MAML2: variants seen among roughly 807,000 people sequenced by gnomAD.
MAML2 encodes the protein mastermind like transcriptional coactivator 2.
In MAML2, 22 loss-of-function variants were observed where a neutral mutation model predicts 96.1. The ratio of observed to expected loss-of-function variants is 0.23; its 90% CI spans 0.16 to 0.33. The LOEUF is 0.33. Among genes scored for constraint, MAML2 ranks in the 10% least tolerant of loss-of-function variants. The pLI is 1.00. For missense variants in MAML2, 1,367 were observed against 1,392.4 expected (o/e 0.98, Z 0.29); for synonymous variants, 561 against 521.3 (o/e 1.08, Z -1.04).
intron 2 of MAML2, among the ~76,000 whole-genome samples, chr11:96,041,629 T>C (rs940453609): frequency 6.6e-6 from 1 of 152,114 alleles, no homozygotes; most frequent in Non-Finnish European, 1.5e-5. Flanking sequence ...CTGGAGGAAG[T>C]GTGTTCCATT....
chr11:96,042,833 C>A (rs10831471), intron 2 of MAML2, among the ~76,000 whole-genome samples: 14,132 of 149,082 alleles, frequency 0.095, 949 homozygotes, highest in East Asian at 0.26. Flanking sequence ...CGTCCTCCAA[C>A]TTCTGGGTTC....
chr11:96,052,264 T>C (rs1859000624), intron 2 of MAML2, among the ~76,000 whole-genome samples: 1 of 152,162 alleles, frequency 6.6e-6, no homozygotes. Context: ...AATATCCATA[T>C]GATACATTTA....
At chr11:96,231,884 C>G (rs1166550442) in intron 1 of MAML2, among the ~76,000 whole-genome samples, 2 of 152,210 alleles carry the variant, frequency 1.3e-5, no homozygotes, top group African/African-American at 4.8e-5. Context: ...ATTCACCTGA[C>G]TAGTCGCTTT....
intron 2 of MAML2, among the ~76,000 whole-genome samples, chr11:96,033,400 C>G (rs573946544): frequency 3.3e-5 from 5 of 152,328 alleles, no homozygotes; most frequent in African/African-American, 9.6e-5. Flanking sequence ...GTATCTACCA[C>G]AGTGCCTGTT....
At position 96,092,435 on chromosome 11, in the gene MAML2, T is replaced by C. The variant is rs1464002648; in HGVS notation, c.1596A>G (p.Gln532=). The change falls in exon 2 of 5, where the codon CAA becomes CAG. Residue 532 remains glutamine, a synonymous_variant. Coordinates refer to ENST00000524717, the MANE Select transcript of MAML2 (RefSeq NM_032427.4). The surrounding 1 kb of genome is among the most constrained non-coding windows in gnomAD (Gnocchi z 4.1). The stretch of plus-strand genomic sequence containing the variant: ...AACTTCGACTGAGATCCTGAGGCTT[T>C]TGCTGCATGAGGACATCTAGGTGCC... The part of the protein sequence containing the change: ...QGGHLDVLMQ[Q]KPQDLSRSFI... 4.5e-5 allele frequency: 73 copies of C among 1,613,744 alleles called. No individual in the cohort carries two copies. Among genetic ancestry groups the C allele is most frequent in the Non-Finnish European group, 5.5e-5 (65 of 1,179,818 alleles).
intron 2 of MAML2, among the ~76,000 whole-genome samples, chr11:96,086,568 C>G (rs1403891331): frequency 3.9e-5 from 6 of 152,124 alleles, no homozygotes; most frequent in Admixed American, 2.0e-4. Context: ...ATGAAAATAG[C>G]TCAATTTGAA....
intron 1 of MAML2, among the ~76,000 whole-genome samples, chr11:96,216,376 C>T (rs1862049924): frequency 6.6e-6 from 1 of 152,196 alleles, no homozygotes; most frequent in Non-Finnish European, 1.5e-5. Context: ...ATTTTAATGC[C>T]TCTCTTAAGT....
chr11:95,986,990 GAAC>G, intron 3 of MAML2, among the ~76,000 whole-genome samples: 1 of 152,336 alleles, frequency 6.6e-6, no homozygotes, highest in South Asian at 2.1e-4. Context: ...CAGCAAGGGA[GAAC>G]ACACATCATG....
chr11:96,296,978 G>T (rs575239834), intron 1 of MAML2, among the ~76,000 whole-genome samples: 1 of 152,314 alleles, frequency 6.6e-6, no homozygotes, highest in Admixed American at 6.5e-5. Context: ...TTACTGTGGT[G>T]CCCAGCCAAC....
chr11:96,087,398 A>G (rs936469767), intron 2 of MAML2, among the ~76,000 whole-genome samples: 31 of 152,222 alleles, frequency 2.0e-4, no homozygotes, highest in Non-Finnish European at 3.8e-4. Flanking sequence ...ATCAAAAATA[A>G]AATGAAAATG....
intron 1 of MAML2, among the ~76,000 whole-genome samples, chr11:96,115,072 G>A (rs1043976941): frequency 6.6e-6 from 1 of 152,148 alleles, no homozygotes; most frequent in African/African-American, 2.4e-5. Context: ...GATGGGAATT[G>A]CATACAAAGA....
At chr11:96,032,237 T>A (rs1469347220) in intron 2 of MAML2, among the ~76,000 whole-genome samples, 1 of 152,046 alleles carries the variant, frequency 6.6e-6, no homozygotes, top group African/African-American at 2.4e-5. Context: ...AAGTTAAATA[T>A]ACACTTACCA....
At chr11:96,277,610 G>A (rs1863007804) in intron 1 of MAML2, among the ~76,000 whole-genome samples, 1 of 151,934 alleles carries the variant, frequency 6.6e-6, no homozygotes, top group African/African-American at 2.4e-5. Context: ...AAATTAGCAG[G>A]GCGTGGTAGC....
intron 1 of MAML2, among the ~76,000 whole-genome samples, chr11:96,182,362 A>G (rs144985602): frequency 1.4e-4 from 21 of 152,336 alleles, no homozygotes; most frequent in South Asian, 8.3e-4. Flanking sequence ...ACTGTGTATC[A>G]GGCAGATCGC....
chr11:96,103,719 C>T (rs978774887), intron 1 of MAML2, among the ~76,000 whole-genome samples: 1 of 152,148 alleles, frequency 6.6e-6, no homozygotes, highest in Non-Finnish European at 1.5e-5. Flanking sequence ...CTTCAGGCTC[C>T]TTCTGCTTTA....
intron 1 of MAML2, among the ~76,000 whole-genome samples, chr11:96,315,442 C>T (rs1168173768): frequency 2.0e-5 from 3 of 152,182 alleles, no homozygotes; most frequent in African/African-American, 7.2e-5. Flanking sequence ...ATATGCTTAT[C>T]TCCACTTACC....
At chr11:96,242,767 A>C (rs1031988768) in intron 1 of MAML2, among the ~76,000 whole-genome samples, 1 of 152,230 alleles carries the variant, frequency 6.6e-6, no homozygotes, top group African/African-American at 2.4e-5. Flanking sequence ...AAAGGATCAT[A>C]ATTTTATGAA....
intron 1 of MAML2, among the ~76,000 whole-genome samples, chr11:96,270,468 C>T (rs1372876236): frequency 6.6e-6 from 1 of 152,060 alleles, no homozygotes; most frequent in Non-Finnish European, 1.5e-5. Flanking sequence ...TGCCACCACA[C>T]CTGGTTATTT....
rs55970384 is a variant in MAML2, at chr11:96,277,733, CAA to C, written c.513+63648_513+63649del. The stretch of plus-strand genomic sequence containing the variant: ...AGCCTGGGCAACAGACACTCTGCCT[CAA>C]AAAAAAAAAAAAAAAAAAATTAGAA... On this transcript the variant is annotated intron_variant, in intron 1 of 4. Coordinates refer to ENST00000524717, the MANE Select transcript of MAML2 (RefSeq NM_032427.4). Among the ~76,000 whole-genome samples the C allele has an allele frequency of 7.1e-4, 52 of 73,464 alleles. No homozygotes were observed. The South Asian group carries it at 8.5e-3, about 12-fold the overall frequency. 48.2% of individuals were successfully genotyped at this position (73,464 alleles called of 152,430 possible).
Sources: gnomAD v4.1 joint callset for allele counts (sites outside exome capture counted in the v4.1 genomes callset) on GRCh38, gnomAD v4.1.1 for gene constraint, Gnocchi (gnomAD v3.1) non-coding constraint, MANE v1.5 for transcripts, NCBI Gene and HGNC (gene_info 2026-07-23, HGNC 2026-07-21) for gene names.